Variants in ADCY10 observed in about 807,000 individuals in gnomAD.
The protein encoded by ADCY10 is adenylate cyclase 10.
Under a neutral mutation model 183.3 loss-of-function variants are expected in ADCY10, and 156 were observed. The ratio of observed to expected loss-of-function variants is 0.85; its 90% CI spans 0.75 to 0.97. ADCY10 has a LOEUF of 0.97. Ranked by LOEUF, ADCY10 falls within the 50% of genes least tolerant of loss-of-function variation. The probability of loss-of-function intolerance (pLI) is 0.00; values close to 1 mark genes in which losing one functional copy is unlikely to be tolerated. For synonymous variants in ADCY10, 645 were observed against 670.0 expected (o/e 0.96, Z 0.58); for missense variants, 1,745 against 1,934.3 (o/e 0.90, Z 1.84).
rs916153008 is a variant in ADCY10 at position 167,903,875 on chromosome 1, G to A, written c.253+12C>T. On this transcript the variant is annotated intron_variant, in intron 3 of 32. Coordinates refer to ENST00000367851, the MANE Select transcript of ADCY10 (RefSeq NM_018417.6). ...AAATATTCTCAAGCCAGAAACCTAT[G>A]GGAACACTTACTCTCCACTATTGCA... 1 of 1,582,646 alleles carries A rather than the reference G, an allele frequency of 6.3e-7. No homozygotes were observed. The highest frequency in any genetic ancestry group is 8.7e-7 in the Non-Finnish European group (1 of 1,151,350).
intron 30 of ADCY10, 41 bp from the exon 31 acceptor site, chr1:167,818,308 A>G (rs761619549): frequency 3.8e-6 from 6 of 1,561,574 alleles, no homozygotes; most frequent in Non-Finnish European, 3.5e-6. Context: ...AGTATCACCC[A>G]TTAGGAATAG....
At chr1:167,854,628 T>C (rs1418663991) in intron 17 of ADCY10, 139 bp from the exon 18 acceptor site, 14 of 1,063,006 alleles carry the variant, frequency 1.3e-5, no homozygotes, top group Non-Finnish European at 2.0e-5. Context: ...TTTTGAGGCA[T>C]TGCTTTGTTT....
At chr1:167,878,671 A>G (rs781324910) in intron 11 of ADCY10, 36 bp from the exon 12 acceptor site, 2 of 1,591,646 alleles carry the variant, frequency 1.3e-6, no homozygotes, top group Non-Finnish European at 1.7e-6. Flanking sequence ...GATCAGGGAA[A>G]TAACAGGCAT....
chr1:167,836,286 T>C (rs1184501431), intron 23 of ADCY10, 23 bp downstream of exon 23: 2 of 1,498,378 alleles, frequency 1.3e-6, no homozygotes, highest in African/African-American at 1.4e-5. Context: ...AGGGTGGAGG[T>C]GGTCTGGGTA....
At chr1:167,859,685 C>G (rs911919821) in intron 16 of ADCY10, 122 bp downstream of exon 16, 3 of 806,060 alleles carry the variant, frequency 3.7e-6, no homozygotes, top group Middle Eastern at 2.2e-4. Context: ...CACTTTAGGA[C>G]AAAGCCTTCA....
intron 31 of ADCY10, among the ~76,000 whole-genome samples, chr1:167,817,434 C>T (rs762701219): frequency 6.6e-6 from 1 of 152,150 alleles, no homozygotes; most frequent in Non-Finnish European, 1.5e-5. Context: ...ACTAGTACAC[C>T]TGTGCTCAGT....
At chr1:167,811,086 G>A (rs1008394366) in intron 31 of ADCY10, among the ~76,000 whole-genome samples, 173 bp from the exon 32 acceptor site, 1 of 152,160 alleles carries the variant, frequency 6.6e-6, no homozygotes, top group Non-Finnish European at 1.5e-5. Flanking sequence ...TAAATGTCAG[G>A]CAGAGTAGCC....
In ADCY10 at chr1:167,809,596, G is replaced by C. The variant is rs1422763602; in HGVS notation, c.*82C>G. 1.1e-5 allele frequency: 16 copies of C among 1,444,092 alleles called. No homozygotes were observed. The South Asian group carries it at 1.7e-4, about 16-fold the overall frequency. The allele number at this position is 1,444,092 out of a possible 1,614,324, so 89.5% of individuals were successfully genotyped here. On this transcript the variant is annotated 3_prime_UTR_variant, in exon 33 of 33. Coordinates refer to ENST00000367851, the MANE Select transcript of ADCY10 (RefSeq NM_018417.6). ...ACAGAAGAGATTATGTAGGAACCTGGAGTGGGCCAGCCACGGAGAAAGGTC... is the reference window on the plus strand; with the variant it reads ...ACAGAAGAGATTATGTAGGAACCTGCAGTGGGCCAGCCACGGAGAAAGGTC...
intron 18 of ADCY10, among the ~76,000 whole-genome samples, chr1:167,849,602 T>G (rs552011461): frequency 3.3e-5 from 5 of 152,246 alleles, no homozygotes; most frequent in Admixed American, 6.5e-5. Context: ...AGGCTATCAA[T>G]GTGAATAACA....
intron 30 of ADCY10, chr1:167,820,052 C>A: frequency 6.3e-7 from 1 of 1,578,220 alleles, no homozygotes. Context: ...GTTTCAAAGC[C>A]TCTTTCGTTA....
At chr1:167,822,784 T>C (rs1014697335) in intron 29 of ADCY10, among the ~76,000 whole-genome samples, 1 of 152,172 alleles carries the variant, frequency 6.6e-6, no homozygotes, top group Non-Finnish European at 1.5e-5. Context: ...CTCATATCCA[T>C]CAGGTTCCTT....
intron 25 of ADCY10, 30 bp from the exon 26 acceptor site, chr1:167,829,453 A>G (rs767044372): frequency 3.1e-6 from 5 of 1,613,500 alleles, no homozygotes; most frequent in South Asian, 2.2e-5. Flanking sequence ...CAAATGGAAC[A>G]TGAAAGGTAT....
At chr1:167,862,492 T>C (rs552526428) in intron 14 of ADCY10, among the ~76,000 whole-genome samples, 4 of 152,242 alleles carry the variant, frequency 2.6e-5, no homozygotes, top group Admixed American at 2.0e-4. Context: ...TGAAACAGAT[T>C]CTTCCTCATG....
At chr1:167,815,876 A>G (rs1391682919) in intron 31 of ADCY10, among the ~76,000 whole-genome samples, 1 of 152,130 alleles carries the variant, frequency 6.6e-6, no homozygotes, top group Non-Finnish European at 1.5e-5. Flanking sequence ...GAAATGAAGA[A>G]TGCCTTTGAC....
At chr1:167,879,079 G>C (rs1004896503) in intron 11 of ADCY10, among the ~76,000 whole-genome samples, 1 of 152,176 alleles carries the variant, frequency 6.6e-6, no homozygotes, top group East Asian at 1.9e-4. Flanking sequence ...GCGATTTCTC[G>C]ATTTAGTAAA....
Position 167,882,362 on chromosome 1 carries a change from G to A in ADCY10, c.1020+1075C>T, listed in dbSNP as rs1571392239. Among the ~76,000 whole-genome samples the A allele has an allele frequency of 1.3e-5, 2 of 151,644 alleles. 1 individual carries two copies. The highest frequency in any genetic ancestry group is 4.2e-4 in the South Asian group (2 of 4,806). ...TAGCCAGGTGTGGTGGCGCATGCCTGTAATCCCAGCTACTCAGGAGGCTGA... is the reference window on the plus strand; with the variant it reads ...TAGCCAGGTGTGGTGGCGCATGCCTATAATCCCAGCTACTCAGGAGGCTGA... On this transcript the variant is annotated intron_variant, in intron 9 of 32. Coordinates refer to ENST00000367851, the MANE Select transcript of ADCY10 (RefSeq NM_018417.6).
chr1:167,861,089 G>T (rs1229304182), intron 14 of ADCY10, 26 bp from the exon 15 acceptor site: 1 of 1,590,932 alleles, frequency 6.3e-7, no homozygotes, highest in Non-Finnish European at 8.6e-7. Context: ...TCAAGAAACA[G>T]AAGAGAGTTT....
intron 1 of ADCY10, 132 bp from the exon 2 acceptor site, chr1:167,905,330 C>T: frequency 1.4e-6 from 1 of 728,268 alleles, no homozygotes; most frequent in Non-Finnish European, 2.3e-6. Context: ...TGTTGAGCCA[C>T]ACTTCAAAAG....
rs184425029 is a variant in ADCY10 at position 167,883,945 on chromosome 1, T to A, written c.829-317A>T. On this transcript the variant is annotated intron_variant, in intron 8 of 32. Coordinates refer to ENST00000367851, the MANE Select transcript of ADCY10 (RefSeq NM_018417.6). ...CTGTTCTTTTTGGCTCTCCTATTTT[T>A]AAAAAAATTTAAAATTTTTTAATTT... 5.3e-5 allele frequency among the ~76,000 whole-genome samples: 8 copies of A among 152,306 alleles called. No individual in the cohort carries two copies. In the East Asian group the frequency reaches 1.2e-3, roughly 22 times the overall value.
Sources: gnomAD v4.1 joint callset for allele counts (sites outside exome capture counted in the v4.1 genomes callset) on GRCh38, gnomAD v4.1.1 for gene constraint, MANE v1.5 for transcripts, NCBI Gene and HGNC (gene_info 2026-07-23, HGNC 2026-07-21) for gene names.